The following C10orf90 variants were observed in gnomAD, a reference collection of about 807,000 sequenced individuals.
The protein encoded by C10orf90 is (E2-independent) E3 ubiquitin-conjugating enzyme FATS.
Under a neutral mutation model 62.5 loss-of-function variants are expected in C10orf90, and 56 were observed. The ratio of observed to expected loss-of-function variants is 0.90; its 90% CI spans 0.72 to 1.12. The LOEUF (loss-of-function observed/expected upper bound fraction) is 1.12, where lower values mean the gene tolerates loss of function less well. Ranked by LOEUF, C10orf90 falls within the 50% of genes most tolerant of loss-of-function variation. C10orf90 has a pLI of 0.00. For missense variants in C10orf90, 970 were observed against 880.4 expected, an observed-to-expected ratio of 1.10 and a Z score of -1.29; for synonymous variants, 386 against 340.4, an observed-to-expected ratio of 1.13 and a Z score of -1.47.
chr10:126,444,698 G>T (rs991499427), intron 7 of C10orf90, among the ~76,000 whole-genome samples: 15 of 151,974 alleles, frequency 9.9e-5, no homozygotes, highest in African/African-American at 3.1e-4. Context: ...AATCAAAAAA[G>T]AGCCCACATA....
At chr10:126,511,861 T>G (rs1863125338) in intron 3 of C10orf90, among the ~76,000 whole-genome samples, 1 of 152,146 alleles carries the variant, frequency 6.6e-6, no homozygotes, top group Admixed American at 6.5e-5. Flanking sequence ...AGAGGAAAAT[T>G]TAAAAAACTT....
intron 2 of C10orf90, among the ~76,000 whole-genome samples, chr10:126,577,623 T>C (rs1415918489): frequency 1.3e-5 from 2 of 152,222 alleles, no homozygotes; most frequent in Non-Finnish European, 2.9e-5. Context: ...AATTCAACAG[T>C]ATTCCAGCAA....
intron 2 of C10orf90, among the ~76,000 whole-genome samples, chr10:126,627,000 C>CTTTTTTTTTTTTT (rs61226052): frequency 1.5e-4 from 18 of 119,492 alleles, no homozygotes; most frequent in African/African-American, 2.2e-4. Flanking sequence ...TTTTTCTTTT[C>CTTTTTTTTTTTTT]TTTTTTTTTT....
chr10:126,511,079 C>G (rs1050463089), intron 3 of C10orf90, among the ~76,000 whole-genome samples: 4 of 152,220 alleles, frequency 2.6e-5, no homozygotes, highest in Admixed American at 2.0e-4. Context: ...TGCAAACCTG[C>G]CTTCCTCCAT....
chr10:126,625,120 C>A (rs1845717578), intron 2 of C10orf90, among the ~76,000 whole-genome samples: 1 of 152,204 alleles, frequency 6.6e-6, no homozygotes, highest in South Asian at 2.1e-4. Context: ...CCACAGTCTT[C>A]CTTCTTGGAA....
chr10:126,461,491 C>T lies in C10orf90; in HGVS notation c.1920G>A (p.Ser640=), dbSNP rs61746086. The part of the protein sequence containing the change: ...TTPEPSPAAP[S]PAPRDGAGSP... ...TCCCTGCTCCATCGCGGGGTGCTGG[C>T]GAGGGTGCTGCTGGGGAGGGCTCAG... Residue 640 remains serine, a synonymous_variant, in exon 6 of 10, where the codon TCG becomes TCA. Transcript: ENST00000488181. The T allele has an allele frequency of 1.3e-4, 205 of 1,613,972 alleles. No homozygotes were observed. In the South Asian group the frequency reaches 1.4e-3, roughly 11 times the overall value.
intron 7 of C10orf90, among the ~76,000 whole-genome samples, chr10:126,442,167 A>G (rs1476611313): frequency 6.6e-6 from 1 of 151,904 alleles, no homozygotes; most frequent in Non-Finnish European, 1.5e-5. Context: ...AAACTCACCT[A>G]AGACATAAGG....
Position 126,430,740 on chromosome 10 carries a change from A to G in C10orf90, c.2189-890T>C, listed in dbSNP as rs529889991. On this transcript the variant is annotated intron_variant, in intron 7 of 9. Coordinates refer to ENST00000488181, the MANE Select transcript of C10orf90 (RefSeq NM_001350921.2). Reference sequence around the variant, plus strand: ...AGACAGGCAACTTGGCTCCTTGCCAAGCATCAGAGTTGGAGTGGGGCTCCT... The same window carrying G: ...AGACAGGCAACTTGGCTCCTTGCCAGGCATCAGAGTTGGAGTGGGGCTCCT... Among the ~76,000 whole-genome samples, 8 of 152,310 alleles carry G rather than the reference A, an allele frequency of 5.3e-5. No individual in the cohort carries two copies. The South Asian group carries it at 1.7e-3, about 32-fold the overall frequency.
At chr10:126,428,975 G>A (rs911868491) in intron 8 of C10orf90, among the ~76,000 whole-genome samples, 2 of 152,068 alleles carry the variant, frequency 1.3e-5, no homozygotes, top group African/African-American at 4.8e-5. Context: ...CATAGTAAAA[G>A]CAGAAATTGT....
At chr10:126,542,609 G>A (rs754820154) in intron 2 of C10orf90, among the ~76,000 whole-genome samples, 14 of 152,118 alleles carry the variant, frequency 9.2e-5, no homozygotes, top group Non-Finnish European at 2.1e-4. Context: ...CCACTTAACT[G>A]TTCACTTTAA....
In C10orf90 at chr10:126,453,295, A is replaced by T. The variant is rs1178597106; in HGVS notation, c.2188+5745T>A. ...CAGTGATTTGGTGTGGAGTATGCCC[A>T]CCAGCTCTTACAATCTAGAAGGTTT... On this transcript the variant is annotated intron_variant, in intron 7 of 9. Transcript: ENST00000488181. This position sits in a 1 kb window ranked among gnomAD's most constrained non-coding sequence, Gnocchi z 4.9. Among the ~76,000 whole-genome samples, 1 of 152,224 alleles carries T rather than the reference A, an allele frequency of 6.6e-6. No homozygotes were observed.
intron 2 of C10orf90, among the ~76,000 whole-genome samples, chr10:126,642,450 T>C (rs1846083364): frequency 6.6e-6 from 1 of 152,030 alleles, no homozygotes; most frequent in Non-Finnish European, 1.5e-5. Context: ...GACAATGGCA[T>C]GAACCCGGGA....
intron 4 of C10orf90, among the ~76,000 whole-genome samples, chr10:126,472,912 T>A (rs1860657504): frequency 1.3e-5 from 2 of 152,214 alleles, no homozygotes. Flanking sequence ...TACCCTCATC[T>A]GAGGGTACTG....
At chr10:126,595,636 A>C (rs1256990513) in intron 2 of C10orf90, among the ~76,000 whole-genome samples, 1 of 152,112 alleles carries the variant, frequency 6.6e-6, no homozygotes. Context: ...CACCTGCAAA[A>C]CTACAACCTT....
chr10:126,532,643 C>T (rs1175822104), intron 2 of C10orf90, among the ~76,000 whole-genome samples: 2 of 151,302 alleles, frequency 1.3e-5, no homozygotes, highest in Non-Finnish European at 2.9e-5. Flanking sequence ...CGAGACCATC[C>T]TGGCTAACAC....
chr10:126,616,915 C>G (rs1564894105), intron 2 of C10orf90, among the ~76,000 whole-genome samples: 1 of 152,278 alleles, frequency 6.6e-6, no homozygotes, highest in East Asian at 1.9e-4. Flanking sequence ...TGTGACCTGC[C>G]TTCCTGCTTC....
At chr10:126,614,616 G>T (rs1845503851) in intron 2 of C10orf90, among the ~76,000 whole-genome samples, 2 of 152,104 alleles carry the variant, frequency 1.3e-5, no homozygotes, top group South Asian at 2.1e-4. Context: ...GTGGTTCCCA[G>T]TCCAGGGGAA....
At chr10:126,559,658 G>A (rs969094168) in intron 2 of C10orf90, among the ~76,000 whole-genome samples, 1 of 152,072 alleles carries the variant, frequency 6.6e-6, no homozygotes, top group Non-Finnish European at 1.5e-5. Flanking sequence ...CGGAAGATGG[G>A]TACCAGAGAA....
intron 2 of C10orf90, among the ~76,000 whole-genome samples, chr10:126,567,129 G>A (rs1387151251): frequency 2.6e-5 from 4 of 152,140 alleles, no homozygotes; most frequent in Non-Finnish European, 5.9e-5. Flanking sequence ...GATTGTATTA[G>A]TCTGTTCTCG....
Sources: allele counts gnomAD v4.1 joint callset (sites outside exome capture counted in the v4.1 genomes callset), GRCh38; gene constraint gnomAD v4.1.1; non-coding constraint Gnocchi (gnomAD v3.1); transcripts MANE v1.5; gene names NCBI Gene and HGNC (gene_info 2026-07-23, HGNC 2026-07-21).